The following OCA2 variants were observed in gnomAD, a reference collection of about 807,000 sequenced individuals.
The protein encoded by OCA2 is OCA2 melanosomal transmembrane protein, also known as P protein.
Under a neutral mutation model 100.2 loss-of-function variants are expected in OCA2, and 77 were observed. The ratio of observed to expected loss-of-function variants is 0.77; its 90% confidence interval spans 0.64 to 0.93. OCA2 has a LOEUF of 0.93. Ranked by LOEUF, OCA2 falls within the 40% of genes least tolerant of loss-of-function variation. OCA2 has a pLI of 0.00. For synonymous variants in OCA2, 432 were observed against 439.2 expected (o/e 0.98, Z 0.21); for missense variants, 1,062 against 1,089.1 (o/e 0.98, Z 0.35).
At chr15:27,815,983 A>G (rs1176246002) in intron 23 of OCA2, among the ~76,000 whole-genome samples, 1 of 152,082 alleles carries the variant, frequency 6.6e-6, no homozygotes, top group Non-Finnish European at 1.5e-5. Flanking sequence ...AATACAAAAA[A>G]ATTAGCCAGG....
chr15:27,942,501 G>C (rs1026383097), intron 18 of OCA2, among the ~76,000 whole-genome samples: 1 of 151,958 alleles, frequency 6.6e-6, no homozygotes, highest in Non-Finnish European at 1.5e-5. Flanking sequence ...CTGGGGGTTG[G>C]GGAAAGGGGG....
intron 23 of OCA2, among the ~76,000 whole-genome samples, chr15:27,769,467 C>G (rs1266580273): frequency 6.6e-6 from 1 of 152,104 alleles, no homozygotes; most frequent in Non-Finnish European, 1.5e-5. Flanking sequence ...AATGAAGTCT[C>G]CTACTTGAGT....
chr15:27,758,510 A>T (rs528171186), intron 23 of OCA2, among the ~76,000 whole-genome samples: 1 of 152,254 alleles, frequency 6.6e-6, no homozygotes, highest in African/African-American at 2.4e-5. Flanking sequence ...ACAGAAGCCA[A>T]TACTGAGGTG....
At chr15:27,881,960 C>G (rs2037036359) in intron 19 of OCA2, among the ~76,000 whole-genome samples, 1 of 152,058 alleles carries the variant, frequency 6.6e-6, no homozygotes, top group East Asian at 1.9e-4. Context: ...TAGTTGTGAT[C>G]TTAGGGTGTC....
chr15:27,913,869 A>AAGAAAGAAAG (rs1567097930), intron 19 of OCA2, among the ~76,000 whole-genome samples: 9 of 54,364 alleles, frequency 1.7e-4, no homozygotes, highest in African/African-American at 8.3e-4. Flanking sequence ...GAAAGAAAGA[A>AAGAAAGAAAG]AGAAAGAAAG....
the OCA2 span, among the ~76,000 whole-genome samples, chr15:27,746,258 C>G: frequency 6.6e-6 from 1 of 152,130 alleles, no homozygotes; most frequent in African/African-American, 2.4e-5. Context: ...GAGTTCAAGA[C>G]AAGCCTGGCC....
intron 23 of OCA2, among the ~76,000 whole-genome samples, chr15:27,813,282 G>A (rs1173350802): frequency 6.6e-6 from 1 of 152,058 alleles, no homozygotes; most frequent in Non-Finnish European, 1.5e-5. Context: ...CTAGTGGGAA[G>A]GGCCTCCAAC....
At chr15:27,980,509 C>G (rs1207612235) in intron 14 of OCA2, among the ~76,000 whole-genome samples, 1 of 152,152 alleles carries the variant, frequency 6.6e-6, no homozygotes, top group Non-Finnish European at 1.5e-5. Context: ...TCCATGTTTC[C>G]ATTTGGTGTT....
rs565580240 is a variant in OCA2 at position 28,011,038 on chromosome 15, G to A, written c.1044+3738C>T. Among the ~76,000 whole-genome samples the A allele has an allele frequency of 2.6e-4, 40 of 152,310 alleles. No homozygotes were observed. The South Asian group carries it at 7.3e-3, about 28-fold the overall frequency. The stretch of plus-strand genomic sequence containing the variant: ...AGAGAGATACCCCACAAATATGTCC[G>A]ATTAATTTTTAACCAAGGAGCAAAT... On this transcript the variant is annotated intron_variant, in intron 9 of 23. Coordinates refer to ENST00000354638, the MANE Select transcript of OCA2 (RefSeq NM_000275.3).
intron 23 of OCA2, among the ~76,000 whole-genome samples, chr15:27,822,478 C>A (rs934334036): frequency 1.3e-5 from 2 of 152,150 alleles, no homozygotes; most frequent in African/African-American, 4.8e-5. Flanking sequence ...GCAAATGAAT[C>A]TTTCAGGTGG....
At chr15:27,735,732 C>CAAAACAAA in the OCA2 span, among the ~76,000 whole-genome samples, 2 of 150,778 alleles carry the variant, frequency 1.3e-5, no homozygotes, top group Admixed American at 1.3e-4. Context: ...AGGAAAAAAA[C>CAAAACAAA]AAAACAAAAA....
chr15:27,852,131 C>T (rs1030641013), intron 21 of OCA2, among the ~76,000 whole-genome samples: 18 of 152,176 alleles, frequency 1.2e-4, no homozygotes, highest in Admixed American at 2.0e-4. Context: ...ACCTTTCTGA[C>T]GTTGATGCAC....
At chr15:28,018,672 G>T in intron 6 of OCA2, 115 bp from the exon 7 acceptor site, 2 of 976,284 alleles carry the variant, frequency 2.0e-6, no homozygotes, top group Non-Finnish European at 3.1e-6. Flanking sequence ...TTCCCCAGGT[G>T]CCCCACGCCC....
chr15:28,079,256 G>A (rs1435898535), intron 2 of OCA2, among the ~76,000 whole-genome samples: 5 of 151,574 alleles, frequency 3.3e-5, no homozygotes, highest in Admixed American at 1.3e-4. Context: ...CCCACCTATG[G>A]TAGATTCAAA....
At chr15:27,917,452 G>A (rs543748191) in intron 19 of OCA2, among the ~76,000 whole-genome samples, 1 of 152,314 alleles carries the variant, frequency 6.6e-6, no homozygotes, top group African/African-American at 2.4e-5. Flanking sequence ...TAAACATCAT[G>A]TGAACTATAA....
chr15:27,889,106 A>G lies in OCA2; in HGVS notation c.2080-17184T>C, dbSNP rs187839939. 4.1e-4 allele frequency among the ~76,000 whole-genome samples: 63 copies of G among 152,278 alleles called. 1 individual carries two copies. The highest frequency in any genetic ancestry group is 1.7e-3 in the South Asian group (8 of 4,828). On this transcript the variant is annotated intron_variant, in intron 19 of 23. Transcript: ENST00000354638. ...GCCACACATGAAGAGAAGTTAGAGG[A>G]CCCAGAATTCAGGTATTTTACTATT...
rs115581159 is a variant in OCA2 at position 27,848,037 on chromosome 15, C to T, written c.2339-2985G>A. ...TCCTCACCACGCATCCAGACATGAC[C>T]ATGGCCAGAGGAGGGAGCGGGACCC... On this transcript the variant is annotated intron_variant, in intron 22 of 23. Coordinates refer to ENST00000354638, the MANE Select transcript of OCA2 (RefSeq NM_000275.3). 6.1e-3 allele frequency among the ~76,000 whole-genome samples: 928 copies of T among 152,348 alleles called. 15 individuals carry two copies. The highest frequency in any genetic ancestry group is 0.021 in the African/African-American group (868 of 41,586).
At chr15:27,802,616 A>G (rs369111962) in intron 23 of OCA2, among the ~76,000 whole-genome samples, 1 of 152,202 alleles carries the variant, frequency 6.6e-6, no homozygotes, top group South Asian at 2.1e-4. Context: ...GTTTAGAAAT[A>G]AACTCACATA....
At chr15:28,073,950 C>T (rs944257922) in intron 2 of OCA2, among the ~76,000 whole-genome samples, 1 of 151,124 alleles carries the variant, frequency 6.6e-6, no homozygotes, top group Non-Finnish European at 1.5e-5. Flanking sequence ...AGGTCTATAT[C>T]TTGATTATAG....
Sources: allele counts gnomAD v4.1 joint callset (sites outside exome capture counted in the v4.1 genomes callset), GRCh38; gene constraint gnomAD v4.1.1; transcripts MANE v1.5; gene names NCBI Gene and HGNC (gene_info 2026-07-23, HGNC 2026-07-21).